The following PTPRG variants were observed in gnomAD, a reference collection of about 807,000 sequenced individuals.
PTPRG encodes the protein protein tyrosine phosphatase receptor type G.
Under a neutral mutation model 165.3 loss-of-function variants are expected in PTPRG, and 102 were observed. That is an observed-to-expected ratio of 0.62 (90% confidence interval 0.53 to 0.73). The LOEUF (loss-of-function observed/expected upper bound fraction) is 0.73, where lower values mean the gene tolerates loss of function less well. Among genes scored for constraint, PTPRG ranks in the 30% least tolerant of loss-of-function variants. The probability of loss-of-function intolerance (pLI) is 0.00; values close to 1 mark genes in which losing one functional copy is unlikely to be tolerated. For synonymous variants in PTPRG, 675 were observed against 669.5 expected (o/e 1.01, Z -0.13); for missense variants, 1,866 against 1,861.4 (o/e 1.00, Z -0.05).
chr3:61,998,357 A>T (rs1246605815), intron 3 of PTPRG, among the ~76,000 whole-genome samples: 1 of 152,206 alleles, frequency 6.6e-6, no homozygotes, highest in Non-Finnish European at 1.5e-5. Flanking sequence ...ACCTTCCTAA[A>T]GGTTGCATAA....
chr3:62,267,785 T>C lies in PTPRG; in HGVS notation c.2840T>C (p.Ile947Thr). ...ATTTGGGAACAAAACACTGGAATCA[T>C]TGTGATGATTACGAACCTTGTGGAA... ...RMIWEQNTGIIVMITNLVEKG... is the reference protein window; with the variant it reads ...RMIWEQNTGITVMITNLVEKG... The change falls in exon 19 of 30, where the codon ATT becomes ACT. Residue 947 changes from isoleucine (I) to threonine (T), a missense_variant. Coordinates refer to ENST00000474889, the MANE Select transcript of PTPRG (RefSeq NM_002841.4). 6.2e-7 allele frequency: 1 copy of C among 1,613,508 alleles called. No homozygotes were observed. The highest frequency in any genetic ancestry group is 8.5e-7 in the Non-Finnish European group (1 of 1,179,532).
chr3:61,820,953 G>T (rs977042461), intron 2 of PTPRG, among the ~76,000 whole-genome samples: 1 of 151,582 alleles, frequency 6.6e-6, no homozygotes, highest in Non-Finnish European at 1.5e-5. Flanking sequence ...TTTTCATTAC[G>T]CCAAGCATTT....
intron 2 of PTPRG, among the ~76,000 whole-genome samples, chr3:61,978,523 G>A (rs2040561530): frequency 6.6e-6 from 1 of 151,922 alleles, no homozygotes; most frequent in African/African-American, 2.4e-5. Flanking sequence ...AATAAGTGGT[G>A]GATATTTGCA....
At chr3:61,764,252 T>G (rs2033944268) in intron 2 of PTPRG, among the ~76,000 whole-genome samples, 1 of 152,156 alleles carries the variant, frequency 6.6e-6, no homozygotes, top group African/African-American at 2.4e-5. Flanking sequence ...TTTACCAAGG[T>G]TCTGAATCTT....
Position 62,258,115 on chromosome 3 carries a change from C to A in PTPRG, c.2559+2900C>A, listed in dbSNP as rs551656378. On this transcript the variant is annotated intron_variant, in intron 16 of 29. Transcript: ENST00000474889. The stretch of plus-strand genomic sequence containing the variant: ...GAGCAGCCAAATTAGGAACCCCCCC[C>A]ACTAGGAGTATTAGCTGCCCATTAC... 4.5e-4 allele frequency among the ~76,000 whole-genome samples: 69 copies of A among 152,234 alleles called. 1 individual carries two copies. The highest frequency in any genetic ancestry group is 1.3e-3 in the African/African-American group (53 of 41,552).
intron 1 of PTPRG, among the ~76,000 whole-genome samples, chr3:61,653,247 C>T (rs1472705973): frequency 6.6e-6 from 1 of 152,020 alleles, no homozygotes; most frequent in African/African-American, 2.4e-5. Flanking sequence ...GACATCCTGT[C>T]TGTGACTGAT....
intron 1 of PTPRG, among the ~76,000 whole-genome samples, chr3:61,728,380 A>G (rs1000782157): frequency 1.3e-5 from 2 of 152,186 alleles, no homozygotes; most frequent in African/African-American, 4.8e-5. Flanking sequence ...CTAGGAGCTC[A>G]AGACCAGCCT....
intron 4 of PTPRG, among the ~76,000 whole-genome samples, chr3:62,062,170 G>C (rs981863999): frequency 1.3e-5 from 2 of 151,930 alleles, no homozygotes; most frequent in African/African-American, 4.8e-5. Context: ...GTGGTGGCGC[G>C]TGCCTGTAAT....
At chr3:61,709,294 G>A (rs1481861243) in intron 1 of PTPRG, among the ~76,000 whole-genome samples, 5 of 152,128 alleles carry the variant, frequency 3.3e-5, no homozygotes, top group Non-Finnish European at 5.9e-5. Context: ...TTTTTAAACA[G>A]TTGCATTTTA....
At chr3:61,858,894 C>G (rs925577322) in intron 2 of PTPRG, among the ~76,000 whole-genome samples, 1 of 152,164 alleles carries the variant, frequency 6.6e-6, no homozygotes, top group Non-Finnish European at 1.5e-5. Flanking sequence ...TTAATAAACT[C>G]TCTGCCCATA....
At chr3:61,634,341 G>T (rs1012129640) in intron 1 of PTPRG, among the ~76,000 whole-genome samples, 5 of 151,756 alleles carry the variant, frequency 3.3e-5, no homozygotes, top group African/African-American at 1.2e-4. Context: ...AGGTTCAAGC[G>T]ATTCTTCTTG....
At chr3:62,184,995 A>G (rs1034763488) in intron 8 of PTPRG, among the ~76,000 whole-genome samples, 4 of 151,076 alleles carry the variant, frequency 2.6e-5, no homozygotes, top group Admixed American at 6.6e-5. Flanking sequence ...ACATTAGTTT[A>G]TCTAAAGCCC....
rs539020138 is a variant in PTPRG, at chr3:61,582,402, C to T, written c.85+20030C>T. ...CATGTAGCCAAAGTGGAAAGCTGTCCAGTACATTCTTTTTCGTCCTGGCAC... is the reference window on the plus strand; with the variant it reads ...CATGTAGCCAAAGTGGAAAGCTGTCTAGTACATTCTTTTTCGTCCTGGCAC... On this transcript the variant is annotated intron_variant, in intron 1 of 29. Coordinates refer to ENST00000474889, the MANE Select transcript of PTPRG (RefSeq NM_002841.4). Among the ~76,000 whole-genome samples, 3 of 152,216 alleles carry T rather than the reference C, an allele frequency of 2.0e-5. No individual in the cohort carries two copies. The South Asian group carries it at 6.2e-4, about 32-fold the overall frequency.
At chr3:61,843,827 A>G (rs1190844596) in intron 2 of PTPRG, among the ~76,000 whole-genome samples, 3 of 151,908 alleles carry the variant, frequency 2.0e-5, no homozygotes, top group Non-Finnish European at 4.4e-5. Flanking sequence ...ATTTCTTTAA[A>G]AAAAAAAACA....
At chr3:61,729,324 A>G (rs1228792036) in intron 1 of PTPRG, among the ~76,000 whole-genome samples, 1 of 152,072 alleles carries the variant, frequency 6.6e-6, no homozygotes, top group African/African-American at 2.4e-5. Flanking sequence ...GGGAAGAGTA[A>G]AGTCTGATTG....
chr3:62,284,273 T>A (rs1347755260), intron 28 of PTPRG, among the ~76,000 whole-genome samples: 1 of 152,140 alleles, frequency 6.6e-6, no homozygotes, highest in Non-Finnish European at 1.5e-5. Flanking sequence ...ACAGAAGTGT[T>A]TGATTCACTT....
intron 2 of PTPRG, among the ~76,000 whole-genome samples, chr3:61,760,154 T>A (rs955389495): frequency 2.0e-5 from 3 of 152,172 alleles, no homozygotes; most frequent in African/African-American, 7.2e-5. Context: ...TTTGGCAGGA[T>A]TGAAAAGCCT....
At chr3:61,902,616 C>G (rs976237782) in intron 2 of PTPRG, among the ~76,000 whole-genome samples, 2 of 152,150 alleles carry the variant, frequency 1.3e-5, no homozygotes, top group Admixed American at 6.5e-5. Context: ...TATAAAAGCA[C>G]TTATATCATA....
chr3:62,124,337 T>A, intron 5 of PTPRG: 1 of 1,612,208 alleles, frequency 6.2e-7, no homozygotes, highest in Non-Finnish European at 8.5e-7. Context: ...CCCGGGTCTC[T>A]GGTGATGCAG....
Sources: allele counts gnomAD v4.1 joint callset (sites outside exome capture counted in the v4.1 genomes callset), GRCh38; gene constraint gnomAD v4.1.1; transcripts MANE v1.5; gene names NCBI Gene and HGNC (gene_info 2026-07-23, HGNC 2026-07-21).